HIVEP1: variants seen among roughly 807,000 people sequenced by gnomAD.
The protein encoded by HIVEP1 is zinc finger protein 40.
In HIVEP1, 36 loss-of-function variants were observed where a neutral mutation model predicts 180.0. The ratio of observed to expected loss-of-function variants is 0.20; its 90% CI spans 0.15 to 0.26. The LOEUF (loss-of-function observed/expected upper bound fraction) is 0.26, where lower values mean the gene tolerates loss of function less well. Ranked by LOEUF, HIVEP1 falls within the 10% of genes least tolerant of loss-of-function variation. The probability of loss-of-function intolerance (pLI) is 1.00; values close to 1 mark genes in which losing one functional copy is unlikely to be tolerated. For missense variants in HIVEP1, 3,143 were observed against 3,268.7 expected (o/e 0.96, Z 0.94); for synonymous variants, 1,239 against 1,239.0 (o/e 1.00, Z 0.00).
chr6:12,178,988 A>G, the HIVEP1 span, among the ~76,000 whole-genome samples: 1 of 152,234 alleles, frequency 6.6e-6, no homozygotes, highest in African/African-American at 2.4e-5. Context: ...AGAAAAATTT[A>G]TACAATGGGA....
At chr6:12,046,571 G>A (rs1293358138) in intron 2 of HIVEP1, among the ~76,000 whole-genome samples, 2 of 152,088 alleles carry the variant, frequency 1.3e-5, no homozygotes, top group African/African-American at 4.8e-5. Context: ...ACGAGGTCAA[G>A]AGATCGAGAC....
At position 12,124,587 on chromosome 6, in the gene HIVEP1, T is replaced by A; in HGVS notation, c.4792T>A (p.Ser1598Thr). The change falls in exon 4 of 9, where the codon TCA becomes ACA. Residue 1598 changes from serine (S) to threonine (T), a missense_variant. This residue lies in a region of HIVEP1 where 1,357 missense variants were observed against 1,260.5 expected (regional missense o/e 1.08). Coordinates refer to ENST00000379388, the MANE Select transcript of HIVEP1 (RefSeq NM_002114.4). ...AGTTGGAACAGATCATTGTGTGACATCAGCAACATTACCAACCAAATTAAT... is the reference window on the plus strand; with the variant it reads ...AGTTGGAACAGATCATTGTGTGACAACAGCAACATTACCAACCAAATTAAT... ...DPVGTDHCVT[S>T]ATLPTKLIDS... The A allele has an allele frequency of 6.2e-7, 1 of 1,614,120 alleles. No individual in the cohort carries two copies. The highest frequency in any genetic ancestry group is 8.5e-7 in the Non-Finnish European group (1 of 1,180,016).
intron 2 of HIVEP1, among the ~76,000 whole-genome samples, chr6:12,067,194 A>G (rs1014000003): frequency 6.6e-6 from 1 of 152,144 alleles, no homozygotes; most frequent in Non-Finnish European, 1.5e-5. Flanking sequence ...ATAATGATTA[A>G]TTATTAGTAT....
At chr6:12,059,485 T>C (rs1360029955) in intron 2 of HIVEP1, among the ~76,000 whole-genome samples, 1 of 152,234 alleles carries the variant, frequency 6.6e-6, no homozygotes, top group Non-Finnish European at 1.5e-5. Context: ...TAGAACACTA[T>C]ACTCTAACCC....
chr6:12,033,535 C>T (rs901743014), intron 2 of HIVEP1, among the ~76,000 whole-genome samples: 1 of 152,168 alleles, frequency 6.6e-6, no homozygotes, highest in African/African-American at 2.4e-5. Flanking sequence ...CGGTTCTCTT[C>T]TGTGATATTT....
chr6:12,150,817 T>TA (rs1028863120), intron 7 of HIVEP1, among the ~76,000 whole-genome samples: 71 of 152,238 alleles, frequency 4.7e-4, no homozygotes, highest in African/African-American at 1.6e-3. Flanking sequence ...TCACATTCTT[T>TA]AAAAAAATTT....
At chr6:12,175,461 G>A in the HIVEP1 span, among the ~76,000 whole-genome samples, 1 of 152,132 alleles carries the variant, frequency 6.6e-6, no homozygotes, top group African/African-American at 2.4e-5. Context: ...ATAAATGTTA[G>A]CACTAGTTAT....
chr6:12,134,686 A>G lies in HIVEP1; in HGVS notation c.6386-1105A>G, dbSNP rs116132653. On this transcript the variant is annotated intron_variant, in intron 6 of 8. Transcript: ENST00000379388. ...TGTTGGCAATGCTTTTGTGTATGGC[A>G]TTATCCACTGGAGATGCTTGTTATC... Among the ~76,000 whole-genome samples the G allele has an allele frequency of 7.0e-3, 1,071 of 152,288 alleles. 12 individuals are homozygous for G. Among genetic ancestry groups the G allele is most frequent in the African/African-American group, 0.025 (1,034 of 41,562 alleles).
intron 2 of HIVEP1, among the ~76,000 whole-genome samples, chr6:12,075,767 T>TG (rs1200341575): frequency 6.6e-6 from 1 of 152,168 alleles, no homozygotes; most frequent in Non-Finnish European, 1.5e-5. Flanking sequence ...AAGCTAACCT[T>TG]GGGGATATCA....
intron 3 of HIVEP1, among the ~76,000 whole-genome samples, chr6:12,111,233 T>C (rs150048305): frequency 0.011 from 1,602 of 152,352 alleles, 29 homozygotes; most frequent in African/African-American, 0.036. Context: ...TGAGTGCATA[T>C]GTTTGGAGAA....
intron 2 of HIVEP1, among the ~76,000 whole-genome samples, chr6:12,052,758 C>T (rs915554901): frequency 6.6e-6 from 1 of 152,146 alleles, no homozygotes; most frequent in Admixed American, 6.5e-5. Context: ...TACCTTGTTA[C>T]CACAATTTAC....
At position 12,159,213 on chromosome 6, in the gene HIVEP1, CGCGCGT is replaced by C. The variant is rs1760249835; in HGVS notation, c.6488-2223_6488-2218del. ...GTACGTGTGTGTGTGTGTGTGCGCG[CGCGCGT>C]GCACGTGCACGCTTGTGTGTGTGTT... On this transcript the variant is annotated intron_variant, in intron 7 of 8. Transcript: ENST00000379388. 6.6e-5 allele frequency among the ~76,000 whole-genome samples: 10 copies of C among 152,018 alleles called. No individual in the cohort carries two copies. In the South Asian group the frequency reaches 2.1e-3, roughly 32 times the overall value.
chr6:12,110,938 G>T (rs1774849078), intron 3 of HIVEP1, among the ~76,000 whole-genome samples: 1 of 152,160 alleles, frequency 6.6e-6, no homozygotes, highest in South Asian at 2.1e-4. Flanking sequence ...AGAGGCCCTT[G>T]TAGGCTTATT....
chr6:12,176,573 A>G, the HIVEP1 span, among the ~76,000 whole-genome samples: 1 of 152,154 alleles, frequency 6.6e-6, no homozygotes, highest in Non-Finnish European at 1.5e-5. Flanking sequence ...CTTCAGATAT[A>G]AAAAGCAAGC....
Position 12,129,870 on chromosome 6 carries a change from A to G in HIVEP1, c.6187A>G (p.Arg2063Gly). Residue 2063 changes from arginine (R) to glycine (G), a missense_variant, in exon 5 of 9, where the codon AGA becomes GGA. Arg to Gly is a moderately radical substitution (Grantham distance 125). Around this residue, in one of 12 missense-constraint regions of HIVEP1, gnomAD observed 1,357 missense variants for 1,260.5 expected, o/e 1.08. Coordinates refer to ENST00000379388, the MANE Select transcript of HIVEP1 (RefSeq NM_002114.4). ...TTCCTTAATCAAAAGTGAACCAAGA[A>G]GAATTAAAATATTTGATGGAGGGCA... ...ENSLIKSEPR[R>G]IKIFDGGYKS... 3 of 1,565,976 alleles carry G rather than the reference A, an allele frequency of 1.9e-6. No homozygotes were observed. Among genetic ancestry groups the G allele is most frequent in the Non-Finnish European group, 2.6e-6 (3 of 1,141,538 alleles).
At chr6:12,079,334 A>G (rs1772609012) in intron 2 of HIVEP1, among the ~76,000 whole-genome samples, 1 of 152,176 alleles carries the variant, frequency 6.6e-6, no homozygotes, top group Admixed American at 6.6e-5. Flanking sequence ...GCTGACAGTA[A>G]TAATTATTAG....
At chr6:12,137,875 A>G (rs547169687) in intron 7 of HIVEP1, among the ~76,000 whole-genome samples, 3 of 152,358 alleles carry the variant, frequency 2.0e-5, no homozygotes, top group East Asian at 3.8e-4. Flanking sequence ...TTACATACAA[A>G]AAAGTACAAA....
chr6:12,011,270 T>TGCCCCCCCCC (rs1767268015), upstream of HIVEP1, among the ~76,000 whole-genome samples: 2 of 71,632 alleles, frequency 2.8e-5, no homozygotes, highest in African/African-American at 6.2e-5. Flanking sequence ...CCCCTTGGGG[T>TGCCCCCCCCC]CCCCCCCCCC....
Position 12,124,471 on chromosome 6 carries a change from A to G in HIVEP1, c.4676A>G (p.Lys1559Arg), listed in dbSNP as rs781088512. Residue 1559 changes from lysine to arginine, a missense_variant, in exon 4 of 9, where the codon AAA (lysine) becomes AGA (arginine). Coordinates refer to ENST00000379388, the MANE Select transcript of HIVEP1 (RefSeq NM_002114.4). ...AAAAGTGAGGATTGCTTTGCTCCCA[A>G]ATACCAATTGCATTGTCAGGTTTTC... ...SSKSEDCFAP[K>R]YQLHCQVFTS... 5.6e-6 allele frequency: 9 copies of G among 1,614,050 alleles called. No homozygotes were observed. Among genetic ancestry groups the G allele is most frequent in the African/African-American group, 1.3e-5 (1 of 74,908 alleles).
Sources: allele counts gnomAD v4.1 joint callset (sites outside exome capture counted in the v4.1 genomes callset), GRCh38; gene constraint gnomAD v4.1.1; regional missense constraint gnomAD v4.1.1; transcripts MANE v1.5; gene names NCBI Gene and HGNC (gene_info 2026-07-23, HGNC 2026-07-21).